ADAMTS18: variants seen among roughly 807,000 people sequenced by gnomAD.
ADAMTS18 encodes A disintegrin and metalloproteinase with thrombospondin motifs 18.
In ADAMTS18, 157 loss-of-function variants were observed where a neutral mutation model predicts 165.9. The ratio of observed to expected loss-of-function variants is 0.95; its 90% confidence interval spans 0.83 to 1.08. The LOEUF (loss-of-function observed/expected upper bound fraction) is 1.08, where lower values mean the gene tolerates loss of function less well. Among genes scored for constraint, ADAMTS18 ranks in the 50% least tolerant of loss-of-function variants. The pLI, the probability that ADAMTS18 is intolerant of heterozygous loss-of-function variation, is 0.00. For synonymous variants in ADAMTS18, 782 were observed against 578.2 expected (o/e 1.35, Z -5.06); for missense variants, 2,040 against 1,534.0 (o/e 1.33, Z -5.51).
chr16:77,406,515 T>A (rs1030204651), intron 3 of ADAMTS18, among the ~76,000 whole-genome samples: 1 of 151,880 alleles, frequency 6.6e-6, no homozygotes, highest in African/African-American at 2.4e-5. Flanking sequence ...AACAAATAAA[T>A]CCATGAAGAT....
intron 6 of ADAMTS18, among the ~76,000 whole-genome samples, chr16:77,363,037 G>C (rs531680224): frequency 2.7e-4 from 41 of 152,272 alleles, no homozygotes; most frequent in Admixed American, 1.5e-3. Context: ...TGTCTTGTCT[G>C]TGTCTTCCTG....
intron 8 of ADAMTS18, among the ~76,000 whole-genome samples, chr16:77,357,817 C>T (rs2056653569): frequency 6.6e-6 from 1 of 152,120 alleles, no homozygotes. Context: ...TTATTTAGAA[C>T]TTAGGTATGT....
chr16:77,417,266 G>C (rs1352219428), intron 3 of ADAMTS18, among the ~76,000 whole-genome samples: 2 of 152,090 alleles, frequency 1.3e-5, no homozygotes, highest in African/African-American at 4.8e-5. Flanking sequence ...GGATAGGTGG[G>C]TGGGTGGATA....
chr16:77,410,199 T>A (rs572093392), intron 3 of ADAMTS18, among the ~76,000 whole-genome samples: 26 of 152,242 alleles, frequency 1.7e-4, no homozygotes, highest in Admixed American at 1.6e-3. Flanking sequence ...CTCTTCTATT[T>A]TATGTTACTC....
chr16:77,387,683 G>T (rs367794938), intron 3 of ADAMTS18, among the ~76,000 whole-genome samples: 17 of 152,280 alleles, frequency 1.1e-4, no homozygotes, highest in African/African-American at 3.6e-4. Flanking sequence ...TCAGCAGCTG[G>T]ATGTTGAGTT....
intron 3 of ADAMTS18, among the ~76,000 whole-genome samples, chr16:77,384,995 C>T (rs936593034): frequency 3.3e-5 from 5 of 151,820 alleles, no homozygotes; most frequent in Admixed American, 1.3e-4. Flanking sequence ...CTGCAACCTC[C>T]GCTTCCCAGG....
Position 77,360,925 on chromosome 16 carries a change from A to C in ADAMTS18, c.1216+1180T>G, listed in dbSNP as rs1401473924. Among the ~76,000 whole-genome samples, 4 of 152,082 alleles carry C rather than the reference A, an allele frequency of 2.6e-5. No individual in the cohort carries two copies. In the South Asian group the frequency reaches 6.2e-4, roughly 24 times the overall value. The stretch of plus-strand genomic sequence containing the variant: ...AACATGGTGAAACCCGTCTCTACTA[A>C]AAATACAAAAATTAGCCAGGTGTGG... On this transcript the variant is annotated intron_variant, in intron 7 of 22. Transcript: ENST00000282849.
chr16:77,360,171 G>T (rs1010222471), intron 7 of ADAMTS18, among the ~76,000 whole-genome samples: 68 of 152,288 alleles, frequency 4.5e-4, no homozygotes, highest in African/African-American at 1.6e-3. Flanking sequence ...TGTCAAGACG[G>T]AAGTGAGATC....
At position 77,326,100 on chromosome 16, in the gene ADAMTS18, C is replaced by T. The variant is rs577364668; in HGVS notation, c.1860-62G>A. 32 of 1,503,254 alleles carry T rather than the reference C, an allele frequency of 2.1e-5. No individual in the cohort carries two copies. In the South Asian group the frequency reaches 3.6e-4, roughly 17 times the overall value. 93.1% of individuals were successfully genotyped at this position (1,503,254 alleles called of 1,614,324 possible). A position where few individuals can be genotyped will look rare whatever the true frequency, so the allele number is the denominator to read the frequency against. Reference sequence around the variant, plus strand: ...CAAAGGGCTCATTATTAGTCACATGCAATAATATGAAGAGAGGCAATGAAG... The same window carrying T: ...CAAAGGGCTCATTATTAGTCACATGTAATAATATGAAGAGAGGCAATGAAG... On this transcript the variant is annotated intron_variant, in intron 12 of 22. Coordinates refer to ENST00000282849, the MANE Select transcript of ADAMTS18 (RefSeq NM_199355.4).
At chr16:77,296,001 A>C (rs930358394) in intron 18 of ADAMTS18, among the ~76,000 whole-genome samples, 4 of 117,524 alleles carry the variant, frequency 3.4e-5, no homozygotes, top group Admixed American at 3.3e-4. Context: ...TTACAAGAAA[A>C]AAAAAAGTGT....
intron 12 of ADAMTS18, among the ~76,000 whole-genome samples, chr16:77,335,550 T>C (rs541259946): frequency 2.0e-5 from 3 of 152,246 alleles, no homozygotes; most frequent in East Asian, 3.9e-4. Context: ...CTTGAAGTGA[T>C]GGATACCTCA....
At chr16:77,323,824 C>T (rs1457993963) in intron 13 of ADAMTS18, among the ~76,000 whole-genome samples, 1 of 152,134 alleles carries the variant, frequency 6.6e-6, no homozygotes, top group East Asian at 1.9e-4. Context: ...AGGTAAGATC[C>T]TAAGGCAGGG....
intron 3 of ADAMTS18, among the ~76,000 whole-genome samples, chr16:77,393,914 T>A (rs914601782): frequency 9.8e-5 from 15 of 152,294 alleles, no homozygotes; most frequent in Non-Finnish European, 1.5e-4. Flanking sequence ...AACATATCCA[T>A]CCAGTAGGAT....
intron 3 of ADAMTS18, among the ~76,000 whole-genome samples, chr16:77,430,338 G>C (rs1404130981): frequency 1.3e-5 from 2 of 152,138 alleles, no homozygotes; most frequent in South Asian, 4.1e-4. Context: ...GCCATAATAG[G>C]GGGAAAAAAT....
chr16:77,362,030 T>A (rs1462608776), intron 7 of ADAMTS18, 75 bp downstream of exon 7: 2 of 1,493,112 alleles, frequency 1.3e-6, no homozygotes, highest in Non-Finnish European at 1.9e-6. Flanking sequence ...ATAAGGGCTA[T>A]CCATCATCCA....
chr16:77,361,516 G>A (rs997148990), intron 7 of ADAMTS18, among the ~76,000 whole-genome samples: 4 of 152,150 alleles, frequency 2.6e-5, no homozygotes, highest in African/African-American at 7.2e-5. Flanking sequence ...TGGTCATGAT[G>A]CTTACAGAAT....
chr16:77,334,748 G>A (rs1228010636), intron 12 of ADAMTS18, among the ~76,000 whole-genome samples: 2 of 108,894 alleles, frequency 1.8e-5, no homozygotes, highest in Admixed American at 2.2e-4. Flanking sequence ...TATATATACT[G>A]TATACTATAG....
intron 22 of ADAMTS18, among the ~76,000 whole-genome samples, chr16:77,286,887 A>G (rs965784371): frequency 9.9e-5 from 15 of 152,140 alleles, no homozygotes; most frequent in African/African-American, 3.6e-4. Context: ...TATAATATGT[A>G]CAGTGCAACC....
chr16:77,311,787 T>C (rs17770036), intron 16 of ADAMTS18, among the ~76,000 whole-genome samples: 35,442 of 151,382 alleles, frequency 0.23, 4,833 homozygotes, highest in East Asian at 0.62. Flanking sequence ...CACGTCCAAT[T>C]AATCATACAA....
Sources: allele counts gnomAD v4.1 joint callset (sites outside exome capture counted in the v4.1 genomes callset), GRCh38; gene constraint gnomAD v4.1.1; transcripts MANE v1.5; gene names NCBI Gene and HGNC (gene_info 2026-07-23, HGNC 2026-07-21).